TENM2: variants seen among roughly 807,000 people sequenced by gnomAD.
TENM2 encodes the protein teneurin transmembrane protein 2, also known as teneurin-2.
Under a neutral mutation model 245.2 loss-of-function variants are expected in TENM2, and 52 were observed. That is an observed-to-expected ratio of 0.21 (90% CI 0.17 to 0.27). The LOEUF (loss-of-function observed/expected upper bound fraction) is 0.27. Ranked by LOEUF, TENM2 falls within the 10% of genes least tolerant of loss-of-function variation. The probability of loss-of-function intolerance (pLI) is 1.00; values close to 1 mark genes in which losing one functional copy is unlikely to be tolerated. For synonymous variants in TENM2, 1,363 were observed against 1,438.9 expected, an observed-to-expected ratio of 0.95 and a Z score of 1.19; for missense variants, 3,046 against 3,666.8, an observed-to-expected ratio of 0.83 and a Z score of 4.37.
intron 1 of TENM2, among the ~76,000 whole-genome samples, chr5:167,327,554 A>G (rs987223220): frequency 1.3e-5 from 2 of 152,226 alleles, no homozygotes; most frequent in Non-Finnish European, 2.9e-5. Flanking sequence ...TGTTGTTTAT[A>G]GAAGAAAAAC....
chr5:167,381,587 A>G (rs914470614), intron 2 of TENM2, among the ~76,000 whole-genome samples: 1 of 152,156 alleles, frequency 6.6e-6, no homozygotes, highest in Non-Finnish European at 1.5e-5. Flanking sequence ...ACACTGGTTC[A>G]GGTTTTGGTT....
At chr5:167,604,376 G>C (rs952889730) in intron 2 of TENM2, among the ~76,000 whole-genome samples, 3 of 152,116 alleles carry the variant, frequency 2.0e-5, no homozygotes, top group Non-Finnish European at 4.4e-5. Context: ...TGATGAAACG[G>C]GGCAGTGGGG....
chr5:167,622,838 C>T (rs1778262002), intron 2 of TENM2, among the ~76,000 whole-genome samples: 2 of 152,056 alleles, frequency 1.3e-5, no homozygotes, highest in African/African-American at 2.4e-5. Context: ...CTTCATCTCA[C>T]CTTTAGAGTT....
intron 2 of TENM2, among the ~76,000 whole-genome samples, chr5:167,527,349 A>G (rs1033688365): frequency 1.3e-5 from 2 of 152,170 alleles, no homozygotes; most frequent in Non-Finnish European, 2.9e-5. Flanking sequence ...TTTATAAAGT[A>G]TGTGTACAGG....
intron 2 of TENM2, among the ~76,000 whole-genome samples, chr5:167,666,022 C>T (rs371200892): frequency 6.6e-6 from 1 of 152,242 alleles, no homozygotes; most frequent in African/African-American, 2.4e-5. Context: ...TTCTACTAGA[C>T]CAGAGGCAGA....
chr5:167,149,838 G>C, the TENM2 span, among the ~76,000 whole-genome samples: 32 of 152,170 alleles, frequency 2.1e-4, no homozygotes, highest in Non-Finnish European at 3.4e-4. Context: ...ATGATGATCT[G>C]CTTGTATGCT....
the TENM2 span, among the ~76,000 whole-genome samples, chr5:167,163,667 T>A: frequency 6.6e-6 from 1 of 152,178 alleles, no homozygotes; most frequent in Admixed American, 6.5e-5. Context: ...GACTGCTGAT[T>A]ACGGTAACCA....
At position 167,623,369 on chromosome 5, in the gene TENM2, C is replaced by A. The variant is rs530447142; in HGVS notation, c.502+247896C>A. ...TTTGTTGTGTTTCTCTTTATTATTTCAAAAAACACATAATAATTTTTTTTA... is the reference window on the plus strand; with the variant it reads ...TTTGTTGTGTTTCTCTTTATTATTTAAAAAAACACATAATAATTTTTTTTA... On this transcript the variant is annotated intron_variant, in intron 2 of 28. Coordinates refer to ENST00000518659, the Ensembl canonical transcript of TENM2. 1.3e-4 allele frequency among the ~76,000 whole-genome samples: 20 copies of A among 152,182 alleles called. No individual in the cohort carries two copies. In the South Asian group the frequency reaches 4.2e-3, roughly 32 times the overall value.
intron 2 of TENM2, among the ~76,000 whole-genome samples, chr5:167,709,288 G>A (rs1758747704): frequency 6.6e-6 from 1 of 152,070 alleles, no homozygotes; most frequent in Non-Finnish European, 1.5e-5. Flanking sequence ...TTTCTCACCA[G>A]CACTTTTCTA....
the TENM2 span, among the ~76,000 whole-genome samples, chr5:167,168,950 G>A: frequency 1.3e-5 from 2 of 152,124 alleles, no homozygotes; most frequent in Non-Finnish European, 2.9e-5. Flanking sequence ...TAGTAGAGAC[G>A]AGGTTTCACC....
At chr5:167,342,588 C>T (rs1286584487) in intron 1 of TENM2, among the ~76,000 whole-genome samples, 7 of 128,834 alleles carry the variant, frequency 5.4e-5, no homozygotes, top group South Asian at 2.6e-4. Context: ...ACTGCAGTGG[C>T]GCAATCTCGG....
rs371902949 is a variant in TENM2, at chr5:168,247,861, C to T, written c.6922C>T (p.Arg2308Trp). 3.4e-5 allele frequency: 55 copies of T among 1,613,886 alleles called. No homozygotes were observed. The highest frequency in any genetic ancestry group is 4.2e-5 in the Non-Finnish European group (50 of 1,179,904). ...GTACCGCTATGATGGCGTAGGACGG[C>T]GGGCTTCCTACAAGACCAACCTGGG... The change falls in exon 27 of 29, where the codon CGG becomes TGG. Residue 2308 changes from arginine to tryptophan, a missense_variant. Coordinates refer to ENST00000518659, the Ensembl canonical transcript of TENM2. The surrounding 1 kb of genome is among the most constrained non-coding windows in gnomAD (Gnocchi z 7.8).
At chr5:168,116,714 G>A (rs1795109177) in intron 9 of TENM2, among the ~76,000 whole-genome samples, 1 of 152,176 alleles carries the variant, frequency 6.6e-6, no homozygotes, top group Non-Finnish European at 1.5e-5. Flanking sequence ...CACGCACAGA[G>A]GAAAGTTAAT....
chr5:167,945,126 C>T (rs1051283145), intron 3 of TENM2, among the ~76,000 whole-genome samples: 1 of 152,178 alleles, frequency 6.6e-6, no homozygotes. Flanking sequence ...TTTGTTCATT[C>T]ATTCATTCAT....
intron 2 of TENM2, among the ~76,000 whole-genome samples, chr5:167,805,436 T>A (rs1766093018): frequency 6.6e-6 from 1 of 152,100 alleles, no homozygotes; most frequent in South Asian, 2.1e-4. Flanking sequence ...AATGTGGGAT[T>A]TGTTGCTCTT....
intron 3 of TENM2, among the ~76,000 whole-genome samples, chr5:167,919,205 G>A (rs1371934018): frequency 6.6e-6 from 1 of 152,098 alleles, no homozygotes; most frequent in African/African-American, 2.4e-5. Context: ...GTTTTAATCT[G>A]TGTCACTTCT....
intron 2 of TENM2, among the ~76,000 whole-genome samples, chr5:167,380,226 T>G (rs1191199003): frequency 1.3e-5 from 2 of 152,138 alleles, no homozygotes; most frequent in Non-Finnish European, 2.9e-5. Context: ...TTAAAAAGTT[T>G]ATTCATGGGA....
the TENM2 span, among the ~76,000 whole-genome samples, chr5:167,154,601 A>G: frequency 6.6e-6 from 1 of 152,206 alleles, no homozygotes; most frequent in Non-Finnish European, 1.5e-5. Flanking sequence ...AAAACAATAG[A>G]AGACAAACTG....
intron 9 of TENM2, among the ~76,000 whole-genome samples, chr5:168,104,469 C>T (rs1794084958): frequency 6.6e-6 from 1 of 152,218 alleles, no homozygotes; most frequent in Admixed American, 6.5e-5. Flanking sequence ...TGACTGCAGG[C>T]AGCCGGCAGA....
Sources: gnomAD v4.1 joint callset for allele counts (sites outside exome capture counted in the v4.1 genomes callset) on GRCh38, gnomAD v4.1.1 for gene constraint, Gnocchi (gnomAD v3.1) non-coding constraint, MANE v1.5 for transcripts, NCBI Gene and HGNC (gene_info 2026-07-23, HGNC 2026-07-21) for gene names.